Variants in PRKN observed in about 807,000 individuals in gnomAD.
PRKN encodes parkin RBR E3 ubiquitin protein ligase.
PRKN carries 56 observed loss-of-function variants against 59.5 expected under a neutral mutation model. The observed-to-expected ratio is 0.94, with a 90% CI of 0.76 to 1.18. The LOEUF is 1.18. PRKN is among the 50% of genes most tolerant of loss of function. The pLI is 0.00. For missense variants in PRKN, 657 were observed against 596.4 expected (o/e 1.10, Z -1.06); for synonymous variants, 250 against 222.1 (o/e 1.13, Z -1.12).
intron 2 of PRKN, among the ~76,000 whole-genome samples, chr6:162,348,882 G>C (rs1426982612): frequency 6.6e-6 from 1 of 152,126 alleles, no homozygotes; most frequent in Non-Finnish European, 1.5e-5. Flanking sequence ...CATGTAGGCA[G>C]AGAGAGAAGA....
intron 6 of PRKN, among the ~76,000 whole-genome samples, chr6:161,819,976 C>T (rs1156504028): frequency 1.3e-5 from 2 of 151,980 alleles, no homozygotes; most frequent in Non-Finnish European, 2.9e-5. Flanking sequence ...ATAAGTAACA[C>T]TGAAAAAATT....
intron 2 of PRKN, among the ~76,000 whole-genome samples, chr6:162,372,652 C>T (rs1785831709): frequency 6.6e-6 from 1 of 152,088 alleles, no homozygotes; most frequent in African/African-American, 2.4e-5. Context: ...CCCCAAAGCT[C>T]AGCATCACGC....
At chr6:162,647,946 G>C (rs1778251541) in intron 1 of PRKN, among the ~76,000 whole-genome samples, 1 of 14,958 alleles carries the variant, frequency 6.7e-5, no homozygotes, top group Non-Finnish European at 1.1e-4. Context: ...TATGTCCACA[G>C]TGCAAAAAAA....
At position 161,566,030 on chromosome 6, in the gene PRKN, A is replaced by G. The variant is rs574065408; in HGVS notation, c.933+3325T>C. Among the ~76,000 whole-genome samples the G allele has an allele frequency of 6.6e-6, 1 of 152,286 alleles. No homozygotes were observed. Among genetic ancestry groups the G allele is most frequent in the East Asian group, 1.9e-4 (1 of 5,172 alleles). ...ATCAGTCTCCCAACTCCTCTACTGA[A>G]TCATTACCATCAGTACATAGACATG... On this transcript the variant is annotated intron_variant, in intron 8 of 11. Transcript: ENST00000366898. This position sits in a 1 kb window ranked among gnomAD's most constrained non-coding sequence, Gnocchi z 4.1.
chr6:162,710,474 C>T (rs1562516342), intron 1 of PRKN, among the ~76,000 whole-genome samples: 1 of 151,532 alleles, frequency 6.6e-6, no homozygotes, highest in Non-Finnish European at 1.5e-5. Context: ...AGTTCCCATT[C>T]TTCCTGGCCC....
intron 2 of PRKN, among the ~76,000 whole-genome samples, chr6:162,357,018 C>T (rs1371514650): frequency 6.9e-6 from 1 of 144,486 alleles, no homozygotes; most frequent in Non-Finnish European, 1.6e-5. Context: ...AACTATAAAA[C>T]ATGGAGAAGA....
chr6:162,391,020 G>T (rs1036888325), intron 2 of PRKN, among the ~76,000 whole-genome samples: 1 of 152,150 alleles, frequency 6.6e-6, no homozygotes, highest in Non-Finnish European at 1.5e-5. Context: ...AGAAAGAAGT[G>T]TTGTTAGAAT....
intron 2 of PRKN, among the ~76,000 whole-genome samples, chr6:162,359,637 G>C (rs1177840983): frequency 6.6e-6 from 1 of 150,564 alleles, no homozygotes; most frequent in African/African-American, 2.4e-5. Context: ...CTTATTTCCT[G>C]CATTTGAGGC....
At chr6:161,969,010 A>G (rs955576887) in intron 6 of PRKN, among the ~76,000 whole-genome samples, 1 of 152,218 alleles carries the variant, frequency 6.6e-6, no homozygotes, top group African/African-American at 2.4e-5. Flanking sequence ...ATAAATAACA[A>G]AATAATAAAA....
chr6:162,216,532 G>T (rs1479917261), intron 3 of PRKN, among the ~76,000 whole-genome samples: 1 of 83,970 alleles, frequency 1.2e-5, no homozygotes, highest in South Asian at 5.0e-4. Flanking sequence ...GCGAGACTCC[G>T]TCTCAAAAAA....
At chr6:161,615,620 TG>T (rs1782664531) in intron 7 of PRKN, among the ~76,000 whole-genome samples, 1 of 152,238 alleles carries the variant, frequency 6.6e-6, no homozygotes, top group Non-Finnish European at 1.5e-5. Flanking sequence ...GGCAGCAACG[TG>T]GGCTGCCAGG....
Position 162,164,359 on chromosome 6 carries a change from C to T in PRKN, c.534+36772G>A, listed in dbSNP as rs370346139. 4.0e-4 allele frequency among the ~76,000 whole-genome samples: 59 copies of T among 148,466 alleles called. 4 individuals carry two copies. The highest frequency in any genetic ancestry group is 1.6e-4 in the Non-Finnish European group (11 of 67,286). The stretch of plus-strand genomic sequence containing the variant: ...GAGTAGCTGGGACTACAGGTCTGCG[C>T]TACCATGCCCGGCTAATTTTTTTGT... On this transcript the variant is annotated intron_variant, in intron 4 of 11. Transcript: ENST00000366898.
At chr6:162,669,361 T>C (rs77710301) in intron 1 of PRKN, among the ~76,000 whole-genome samples, 2,446 of 152,230 alleles carry the variant, frequency 0.016, 66 homozygotes, top group African/African-American at 0.053. Flanking sequence ...TGAGTCACGA[T>C]TGCCCCCATT....
At chr6:162,261,497 T>G (rs541464308) in intron 3 of PRKN, among the ~76,000 whole-genome samples, 1 of 152,152 alleles carries the variant, frequency 6.6e-6, no homozygotes, top group Non-Finnish European at 1.5e-5. Context: ...GTCAGAATTG[T>G]TATGGGCTTG....
intron 4 of PRKN, among the ~76,000 whole-genome samples, chr6:162,146,788 C>T (rs907495860): frequency 2.0e-5 from 3 of 150,354 alleles, no homozygotes; most frequent in African/African-American, 7.3e-5. Flanking sequence ...TACAGGTGTG[C>T]CACCACACCT....
At chr6:161,398,690 T>A (rs1431958690) in intron 9 of PRKN, among the ~76,000 whole-genome samples, 1 of 152,182 alleles carries the variant, frequency 6.6e-6, no homozygotes, top group Non-Finnish European at 1.5e-5. Flanking sequence ...CAAGTACTCA[T>A]CAAGCATGTA....
chr6:161,393,440 C>G lies in PRKN; in HGVS notation c.1084-6563G>C, dbSNP rs1786606509. On this transcript the variant is annotated intron_variant, in intron 9 of 11. Transcript: ENST00000366898. The surrounding 1 kb of genome is among the most constrained non-coding windows in gnomAD (Gnocchi z 4.7). ...TGCTGGTATACATGCTGAGGTAAGT[C>G]ACTGTCAGCCCCCTTAGACGCTCTG... Among the ~76,000 whole-genome samples, 1 of 152,090 alleles carries G rather than the reference C, an allele frequency of 6.6e-6. No homozygotes were observed. The highest frequency in any genetic ancestry group is 6.5e-5 in the Admixed American group (1 of 15,276).
rs568220417 is a variant in PRKN at position 161,401,442 on chromosome 6, C to G, written c.1084-14565G>C. ...CCTGGCCAACATGGTGAAACCGCATCTCTACTAAAAATACAAAAACGTTAG... is the reference window on the plus strand; with the variant it reads ...CCTGGCCAACATGGTGAAACCGCATGTCTACTAAAAATACAAAAACGTTAG... On this transcript the variant is annotated intron_variant, in intron 9 of 11. Transcript: ENST00000366898. The surrounding 1 kb of genome is among the most constrained non-coding windows in gnomAD (Gnocchi z 4.4). 5.5e-4 allele frequency among the ~76,000 whole-genome samples: 83 copies of G among 152,198 alleles called. No individual in the cohort carries two copies. The highest frequency in any genetic ancestry group is 9.0e-4 in the Non-Finnish European group (61 of 68,020).
chr6:162,458,058 A>C (rs1277235990), intron 1 of PRKN, among the ~76,000 whole-genome samples: 1 of 151,638 alleles, frequency 6.6e-6, no homozygotes, highest in African/African-American at 2.4e-5. Context: ...GTTTGAGACC[A>C]GCCTGGCCAA....
Sources: allele counts gnomAD v4.1 joint callset (sites outside exome capture counted in the v4.1 genomes callset), GRCh38; gene constraint gnomAD v4.1.1; non-coding constraint Gnocchi (gnomAD v3.1); transcripts MANE v1.5; gene names NCBI Gene and HGNC (gene_info 2026-07-23, HGNC 2026-07-21).